The following FAT4 variants were observed in gnomAD, a reference collection of about 807,000 sequenced individuals.
The protein encoded by FAT4 is FAT atypical cadherin 4.
A neutral mutation model predicts 303.9 loss-of-function variants in FAT4; 84 were observed. The ratio of observed to expected loss-of-function variants is 0.28; its 90% CI spans 0.23 to 0.33. FAT4 has a LOEUF of 0.33. FAT4 is among the 10% of genes least tolerant of loss of function. The pLI is 1.00. For synonymous variants in FAT4, 2,307 were observed against 2,298.8 expected, an observed-to-expected ratio of 1.00 and a Z score of -0.10; for missense variants, 6,005 against 6,146.8, an observed-to-expected ratio of 0.98 and a Z score of 0.77.
chr4:125,332,707 T>G (rs1040930602), intron 2 of FAT4, among the ~76,000 whole-genome samples: 6 of 152,240 alleles, frequency 3.9e-5, no homozygotes, highest in Admixed American at 6.5e-5. Flanking sequence ...CATGACTTAA[T>G]GCAGTTTTCT....
In FAT4 at chr4:125,491,035, G is replaced by T; in HGVS notation, c.14219G>T (p.Cys4740Phe). Residue 4740 changes from cysteine to phenylalanine, a missense_variant, in exon 18 of 18, where the codon TGC becomes TTC. Transcript: ENST00000394329. ...ACTTTGGAAATGCATGGTGACACCT[G>T]CCAACCTGGCATTTTCAACTATGCC... The part of the protein sequence containing the change: ...GNTLEMHGDT[C>F]QPGIFNYATR... 1 of 1,614,190 alleles carries T rather than the reference G, an allele frequency of 6.2e-7. No individual in the cohort carries two copies. Among genetic ancestry groups the T allele is most frequent in the Non-Finnish European group, 8.5e-7 (1 of 1,180,040 alleles).
chr4:125,359,951 A>G (rs892913847), intron 2 of FAT4, among the ~76,000 whole-genome samples: 6 of 152,108 alleles, frequency 3.9e-5, no homozygotes, highest in Admixed American at 2.0e-4. Flanking sequence ...AACACTACTT[A>G]TTGACTCTCC....
chr4:125,321,212 G>A lies in FAT4; in HGVS notation c.4801G>A (p.Val1601Ile). The part of the protein sequence containing the change: ...VPSQLIYNLI[V>I]SATDLGPERR... ...TTCACAGTTGATCTACAATCTCATA[G>A]TTTCAGCAACAGACCTTGGGCCTGA... is the stretch of plus-strand genomic sequence containing the variant. Residue 1601 changes from valine (V) to isoleucine (I), a missense_variant, in exon 2 of 18, where the codon GTT becomes ATT. Coordinates refer to ENST00000394329, the MANE Select transcript of FAT4 (RefSeq NM_001291303.3). 6.2e-7 allele frequency: 1 copy of A among 1,614,136 alleles called. No individual in the cohort carries two copies. The highest frequency in any genetic ancestry group is 8.5e-7 in the Non-Finnish European group (1 of 1,180,010).
At chr4:125,374,208 C>T (rs1299304686) in intron 2 of FAT4, among the ~76,000 whole-genome samples, 1 of 152,136 alleles carries the variant, frequency 6.6e-6, no homozygotes, top group Admixed American at 6.5e-5. Flanking sequence ...TGGCTTCAGT[C>T]TTCTCCAAAT....
At chr4:125,411,703 A>C (rs976879560) in intron 5 of FAT4, among the ~76,000 whole-genome samples, 1 of 148,988 alleles carries the variant, frequency 6.7e-6, no homozygotes, top group Admixed American at 6.7e-5. Context: ...CTATACACCT[A>C]TACTTTTAAA....
At chr4:125,330,197 C>T (rs1029263818) in intron 2 of FAT4, among the ~76,000 whole-genome samples, 16 of 150,196 alleles carry the variant, frequency 1.1e-4, no homozygotes, top group Non-Finnish European at 2.1e-4. Context: ...TCAGCCTGGA[C>T]AACAACCTCC....
At chr4:125,483,858 T>C (rs1395104255) in intron 16 of FAT4, among the ~76,000 whole-genome samples, 1 of 151,804 alleles carries the variant, frequency 6.6e-6, no homozygotes, top group African/African-American at 2.4e-5. Context: ...TATCAAGTGC[T>C]TATACAGACT....
intron 2 of FAT4, among the ~76,000 whole-genome samples, chr4:125,340,624 G>C (rs1731753465): frequency 6.6e-6 from 1 of 152,158 alleles, no homozygotes; most frequent in African/African-American, 2.4e-5. Context: ...TTTTTAATAG[G>C]TTAGGTCATA....
At chr4:125,479,906 C>A (rs1311130347) in intron 15 of FAT4, 41 bp downstream of exon 15, 1 of 1,455,728 alleles carries the variant, frequency 6.9e-7, no homozygotes, top group Non-Finnish European at 9.2e-7. Flanking sequence ...ATTTTAATAA[C>A]TATGAAAAGT....
At position 125,408,521 on chromosome 4, in the gene FAT4, G is replaced by A. The variant is rs778560998; in HGVS notation, c.5647G>A (p.Asp1883Asn). 2 of 1,613,260 alleles carry A rather than the reference G, an allele frequency of 1.2e-6. No homozygotes were observed. The highest frequency in any genetic ancestry group is 1.1e-5 in the South Asian group (1 of 91,046). The change falls in exon 5 of 18, where the codon GAT becomes AAT. Residue 1883 changes from aspartate (D) to asparagine (N), a missense_variant. Transcript: ENST00000394329. ...NGEITYIVNE[D>N]DEDGIFFLNP... The stretch of plus-strand genomic sequence containing the variant: ...AGAAATTACATATATTGTGAATGAA[G>A]ATGATGAAGATGGCATCTTTTTCCT...
At chr4:125,470,379 C>A (rs78712130) in intron 12 of FAT4, among the ~76,000 whole-genome samples, 2 of 152,272 alleles carry the variant, frequency 1.3e-5, no homozygotes, top group Middle Eastern at 3.4e-3. Flanking sequence ...TCCTTTGAAG[C>A]TTTTAACCCA....
chr4:125,341,455 T>C (rs1051861162), intron 2 of FAT4, among the ~76,000 whole-genome samples: 3 of 152,104 alleles, frequency 2.0e-5, no homozygotes, highest in Middle Eastern at 3.4e-3. Flanking sequence ...ATTTCTGAAG[T>C]CTTCTTAGTA....
At position 125,360,412 on chromosome 4, in the gene FAT4, T is replaced by A. The variant is rs1578558062; in HGVS notation, c.5176-38372T>A. The stretch of plus-strand genomic sequence containing the variant: ...CAGGCTTGTAAGGAGGACACAATTA[T>A]GTCATGAATATAAAGTTCTTAGCGG... On this transcript the variant is annotated intron_variant, in intron 2 of 17. Transcript: ENST00000394329. 2.6e-5 allele frequency among the ~76,000 whole-genome samples: 4 copies of A among 152,200 alleles called. No individual in the cohort carries two copies. In the South Asian group the frequency reaches 6.2e-4, roughly 24 times the overall value.
At position 125,478,719 on chromosome 4, in the gene FAT4, C is replaced by T. The variant is rs1384230502; in HGVS notation, c.12480-1022C>T. ...CTAATTTTTGTATTTTTAGTAGAGA[C>T]GGGGTTTCACCATGTTGACCAGGCT... On this transcript the variant is annotated intron_variant, in intron 14 of 17. Transcript: ENST00000394329. Among the ~76,000 whole-genome samples, 5 of 151,892 alleles carry T rather than the reference C, an allele frequency of 3.3e-5. No individual in the cohort carries two copies. The East Asian group carries it at 5.8e-4, about 18-fold the overall frequency.
chr4:125,417,550 A>C (rs1048217176), intron 7 of FAT4, among the ~76,000 whole-genome samples: 2 of 152,162 alleles, frequency 1.3e-5, no homozygotes, highest in Non-Finnish European at 2.9e-5. Context: ...TGCAGATCAG[A>C]TGTGTGAAGA....
intron 7 of FAT4, among the ~76,000 whole-genome samples, chr4:125,421,602 C>A (rs541573195): frequency 6.6e-6 from 1 of 152,270 alleles, no homozygotes; most frequent in East Asian, 1.9e-4. Context: ...AGCAGTAAAA[C>A]AAACTGGTAT....
At position 125,449,324 on chromosome 4, in the gene FAT4, G is replaced by A; in HGVS notation, c.8314G>A (p.Ala2772Thr). 5.0e-6 allele frequency: 8 copies of A among 1,613,864 alleles called. No homozygotes were observed. Among genetic ancestry groups the A allele is most frequent in the South Asian group, 1.1e-5 (1 of 91,070 alleles). Residue 2772 changes from alanine (A) to threonine (T), a missense_variant, in exon 10 of 18, where the codon GCC (alanine) becomes ACC (threonine). Physicochemically the swap from Ala to Thr is moderately conservative, Grantham distance 58 (BLOSUM62 0). Transcript: ENST00000394329. ...TAACATTTTAGATGAAAATGATAATGCCCCTAGGTTTTCTCAGATATTTAG... is the reference window on the plus strand; with the variant it reads ...TAACATTTTAGATGAAAATGATAATACCCCTAGGTTTTCTCAGATATTTAG... ...MINILDENDN[A>T]PRFSQIFSAH...
chr4:125,356,685 C>A (rs559977413), intron 2 of FAT4, among the ~76,000 whole-genome samples: 1 of 148,886 alleles, frequency 6.7e-6, no homozygotes, highest in East Asian at 2.0e-4. Context: ...AGTTGAGTTA[C>A]AGAATATGTT....
intron 16 of FAT4, among the ~76,000 whole-genome samples, chr4:125,483,159 T>C (rs1727288141): frequency 6.6e-6 from 1 of 152,206 alleles, no homozygotes. Flanking sequence ...TTTACCTCTA[T>C]TGAAGCAAAG....
Sources: allele counts gnomAD v4.1 joint callset (sites outside exome capture counted in the v4.1 genomes callset), GRCh38; gene constraint gnomAD v4.1.1; transcripts MANE v1.5; gene names NCBI Gene and HGNC (gene_info 2026-07-23, HGNC 2026-07-21).